The following CLIP1 variants were observed in gnomAD, a reference collection of about 807,000 sequenced individuals.
The protein encoded by CLIP1 is CAP-Gly domain containing linker protein 1, also known as CAP-Gly domain-containing linker protein 1.
Under a neutral mutation model 161.6 loss-of-function variants are expected in CLIP1, and 66 were observed. That is an observed-to-expected ratio of 0.41 (90% CI 0.33 to 0.50). The LOEUF is 0.50. Among genes scored for constraint, CLIP1 ranks in the 20% least tolerant of loss-of-function variants. The pLI, the probability that CLIP1 is intolerant of heterozygous loss-of-function variation, is 0.27. For synonymous variants in CLIP1, 598 were observed against 626.2 expected (o/e 0.96, Z 0.67); for missense variants, 1,376 against 1,702.0 (o/e 0.81, Z 3.37).
At chr12:122,293,409 C>T (rs1950334744) in intron 20 of CLIP1, among the ~76,000 whole-genome samples, 1 of 152,030 alleles carries the variant, frequency 6.6e-6, no homozygotes, top group Non-Finnish European at 1.5e-5. Flanking sequence ...TGTGGGATAA[C>T]CGGAAACCTC....
rs375383830 is a variant in CLIP1 at position 122,406,945 on chromosome 12, T to A, written c.-107+15576A>T. Among the ~76,000 whole-genome samples, 166 of 148,256 alleles carry A rather than the reference T, an allele frequency of 1.1e-3. 2 individuals carry two copies. Among genetic ancestry groups the A allele is most frequent in the Middle Eastern group, 3.5e-3 (1 of 288 alleles). ...CTCCATCTGCAAAAAAAAAAAAAAA[T>A]GTTTTAAGGGAACATGGAAAGCTGA... On this transcript the variant is annotated intron_variant, in intron 1 of 25. Coordinates refer to ENST00000620786, the MANE Select transcript of CLIP1 (RefSeq NM_001247997.2).
At chr12:122,281,162 G>T (rs530466677) in intron 21 of CLIP1, among the ~76,000 whole-genome samples, 4 of 152,156 alleles carry the variant, frequency 2.6e-5, no homozygotes, top group Non-Finnish European at 5.9e-5. Flanking sequence ...TCCAGAATGA[G>T]AAGTAGTAAG....
At chr12:122,361,491 A>G (rs1443472831) in intron 4 of CLIP1, among the ~76,000 whole-genome samples, 1 of 152,258 alleles carries the variant, frequency 6.6e-6, no homozygotes, top group Non-Finnish European at 1.5e-5. Context: ...GTTTAGCAAT[A>G]GAACAAGCCC....
At chr12:122,329,853 C>G (rs1427703797) in intron 15 of CLIP1, among the ~76,000 whole-genome samples, 3 of 152,092 alleles carry the variant, frequency 2.0e-5, no homozygotes, top group African/African-American at 7.2e-5. Flanking sequence ...TGCGTTGGCT[C>G]ACGCCTGTAA....
chr12:122,394,352 G>C (rs1955808818), intron 1 of CLIP1, among the ~76,000 whole-genome samples: 4 of 151,760 alleles, frequency 2.6e-5, no homozygotes, highest in Admixed American at 2.6e-4. Flanking sequence ...AGCTGGGCGT[G>C]GTGGCACGTG....
chr12:122,328,030 C>T lies in CLIP1; in HGVS notation c.3166G>A (p.Asp1056Asn). ...TCCTCCCGTGCGCCCTTCAGCTTGT[C>T]CTCTGTGTCCAGCAGCGTCTTCTGG... ...NLQKTLLDTE[D>N]KLKGAREENS... The change falls in exon 17 of 26, where the codon GAC (aspartate) becomes AAC (asparagine). Residue 1056 changes from aspartate (D) to asparagine (N), a missense_variant. By Grantham distance (23) the Asp-to-Asn change is conservative. Coordinates refer to ENST00000620786, the MANE Select transcript of CLIP1 (RefSeq NM_001247997.2). The T allele has an allele frequency of 6.2e-7, 1 of 1,614,210 alleles. No homozygotes were observed. The highest frequency in any genetic ancestry group is 8.5e-7 in the Non-Finnish European group (1 of 1,180,042).
rs1017173630 is a variant in CLIP1 at position 122,317,657 on chromosome 12, C to A, written c.3367-802G>T. On this transcript the variant is annotated intron_variant, in intron 18 of 25. Coordinates refer to ENST00000620786, the MANE Select transcript of CLIP1 (RefSeq NM_001247997.2). ...CCTGGGGCCATGCTGGCTTTCTGGG[C>A]CTTGAGAAGTTGTCTCCTACAGCCA... Among the ~76,000 whole-genome samples the A allele has an allele frequency of 1.1e-4, 17 of 152,168 alleles. No homozygotes were observed. The East Asian group carries it at 2.7e-3, about 24-fold the overall frequency.
intron 21 of CLIP1, among the ~76,000 whole-genome samples, chr12:122,283,688 A>G (rs1372955000): frequency 6.6e-6 from 1 of 151,924 alleles, no homozygotes; most frequent in Non-Finnish European, 1.5e-5. Flanking sequence ...TGAACTCCTG[A>G]CCTCAGGTGA....
At chr12:122,356,875 A>G (rs1040210901) in intron 5 of CLIP1, among the ~76,000 whole-genome samples, 3 of 152,224 alleles carry the variant, frequency 2.0e-5, no homozygotes, top group Admixed American at 2.0e-4. Flanking sequence ...CCTAACTGCG[A>G]GTGATCCGCC....
intron 20 of CLIP1, among the ~76,000 whole-genome samples, chr12:122,293,380 C>T (rs186951662): frequency 2.0e-5 from 3 of 152,142 alleles, no homozygotes; most frequent in African/African-American, 7.2e-5. Context: ...AAACAAAAAC[C>T]CCTAGGTGCT....
chr12:122,292,714 A>G (rs1398300729), intron 20 of CLIP1, among the ~76,000 whole-genome samples: 5 of 152,220 alleles, frequency 3.3e-5, no homozygotes, highest in Non-Finnish European at 5.9e-5. Flanking sequence ...TTAAGAAAGT[A>G]TAAAGATGGC....
chr12:122,369,333 C>A (rs1461801375), intron 3 of CLIP1, among the ~76,000 whole-genome samples: 1 of 151,944 alleles, frequency 6.6e-6, no homozygotes, highest in Non-Finnish European at 1.5e-5. Context: ...CTTTTGATTA[C>A]CTCAAGTAAT....
At position 122,352,816 on chromosome 12, in the gene CLIP1, A is replaced by C. The variant is rs1395200323; in HGVS notation, c.1308-30T>G. ...GGAATAAAACCCAAACAAAACACTT[A>C]AGAAACTAAGTAACACACAGCCTTT... On this transcript the variant is annotated intron_variant, in intron 7 of 25. Coordinates refer to ENST00000620786, the MANE Select transcript of CLIP1 (RefSeq NM_001247997.2). 4 of 1,573,510 alleles carry C rather than the reference A, an allele frequency of 2.5e-6. No individual in the cohort carries two copies. In the Admixed American group the frequency reaches 6.7e-5, roughly 26 times the overall value.
chr12:122,363,938 T>C (rs1419678110), intron 4 of CLIP1, 45 bp downstream of exon 4: 2 of 1,613,126 alleles, frequency 1.2e-6, no homozygotes, highest in African/African-American at 2.7e-5. Context: ...CTGAGCATCG[T>C]CACGTACAAG....
At chr12:122,390,663 A>T (rs1955616358) in intron 1 of CLIP1, among the ~76,000 whole-genome samples, 1 of 151,984 alleles carries the variant, frequency 6.6e-6, no homozygotes, top group Admixed American at 6.6e-5. Context: ...ATAATGTGAC[A>T]AAATATACCT....
Position 122,407,748 on chromosome 12 carries a change from C to CAAAAAAA in CLIP1, c.-107+14766_-107+14772dup, listed in dbSNP as rs35500806. ...GAGGGTTTTTGGTGAGACCCTGTCT[C>CAAAAAAA]AAAAAAAAAAAAAAAAAAAAAAAAA... On this transcript the variant is annotated intron_variant, in intron 1 of 25. Transcript: ENST00000620786. Among the ~76,000 whole-genome samples the CAAAAAAA allele has an allele frequency of 7.7e-3, 294 of 38,330 alleles. 61 individuals are homozygous for CAAAAAAA. The highest frequency in any genetic ancestry group is 0.039 in the African/African-American group (277 of 7,168). 25.1% of individuals were successfully genotyped at this position (38,330 alleles called of 152,430 possible).
intron 1 of CLIP1, among the ~76,000 whole-genome samples, chr12:122,403,494 GTTTTGTTTTTTTTTTTT>G (rs1956210338): frequency 1.8e-5 from 1 of 55,816 alleles, no homozygotes; most frequent in Non-Finnish European, 4.1e-5. Context: ...ATCATTTCTT[GTTTTGTTTTTTTTTTTT>G]TTTTTTTTGG....
At chr12:122,371,816 C>T (rs1250739254) in intron 3 of CLIP1, among the ~76,000 whole-genome samples, 3 of 152,204 alleles carry the variant, frequency 2.0e-5, no homozygotes, top group Non-Finnish European at 4.4e-5. Context: ...AGGAAGAGCA[C>T]TGACAACGAT....
At position 122,341,697 on chromosome 12, in the gene CLIP1, C is replaced by T. The variant is rs1566142853; in HGVS notation, c.1507G>A (p.Val503Met). The T allele has an allele frequency of 1.3e-6, 2 of 1,518,136 alleles. No homozygotes were observed. Among genetic ancestry groups the T allele is most frequent in the African/African-American group, 1.4e-5 (1 of 71,374 alleles). 94.0% of individuals were successfully genotyped at this position (1,518,136 alleles called of 1,614,324 possible). Residue 503 changes from valine to methionine, a missense_variant and splice_region_variant, in exon 11 of 26, where the codon GTG becomes ATG. Val to Met is a conservative substitution (Grantham distance 21). Around this residue, in one of 6 missense-constraint regions of CLIP1, gnomAD observed 948 missense variants for 1,134.8 expected, o/e 0.84. Transcript: ENST00000620786. ...KLQRELEDTR[V>M]ATVSEKSRIM... ...CGTGACTTTTCTGAAACTGTAGCCA[C>T]CTATTAACAGCAGTCCAAAGAAAAA...
Sources: gnomAD v4.1 joint callset for allele counts (sites outside exome capture counted in the v4.1 genomes callset) on GRCh38, gnomAD v4.1.1 for gene constraint, gnomAD v4.1.1 regional missense constraint, MANE v1.5 for transcripts, NCBI Gene and HGNC (gene_info 2026-07-23, HGNC 2026-07-21) for gene names.